Variants in PLXNA3 observed in about 807,000 individuals in gnomAD.
PLXNA3 encodes plexin A3.
A neutral mutation model predicts 118.8 loss-of-function variants in PLXNA3; 52 were observed. That is an observed-to-expected ratio of 0.44 (90% CI 0.35 to 0.55). The LOEUF (loss-of-function observed/expected upper bound fraction) is 0.55. Among genes scored for constraint, PLXNA3 ranks in the 20% least tolerant of loss-of-function variants. The pLI is 0.01. For missense variants in PLXNA3, 1,660 were observed against 1,730.8 expected (o/e 0.96, Z 0.73); for synonymous variants, 925 against 762.4 (o/e 1.21, Z -3.51).
At position 154,475,697 on chromosome X, in the gene PLXNA3, C is replaced by G. The variant is rs1021708657; in HGVS notation, c.*3012C>G. 5 of 112,350 alleles carry G rather than the reference C, an allele frequency of 4.5e-5. No individual in the cohort carries two copies. The highest frequency in any genetic ancestry group is 1.6e-4 in the African/African-American group (5 of 30,892). 9.3% of individuals were successfully genotyped at this position (112,350 alleles called of 1,213,427 possible). A position where few individuals can be genotyped will look rare whatever the true frequency, so the allele number is the denominator to read the frequency against. ...GCGGGATGACAGCTGTGCCGTCGGC[C>G]CAGACAGAACCATCTGGACAGAGGA... On this transcript the variant is annotated 3_prime_UTR_variant, in exon 33 of 33. Coordinates refer to ENST00000369682, the MANE Select transcript of PLXNA3 (RefSeq NM_017514.5).
chrX:154,472,462 G>T (rs2069196204), intron 32 of PLXNA3, 128 bp from the exon 33 acceptor site: 3 of 497,430 alleles, frequency 6.0e-6, no homozygotes, highest in African/African-American at 2.4e-5. Flanking sequence ...GGTTTGTACA[G>T]GGGCTGCGGG....
chrX:154,463,878 G>C (rs1210344963), intron 6 of PLXNA3, 73 bp from the exon 7 acceptor site: 1 of 1,135,289 alleles, frequency 8.8e-7, no homozygotes, highest in Non-Finnish European at 1.2e-6. Context: ...GCTGTTGCCT[G>C]GCACTGTGAG....
chrX:154,475,826 A>G lies in PLXNA3; in HGVS notation c.*3141A>G, dbSNP rs959842848. ...TAACCTCAGGGGAAATCCCTCAGAA[A>G]TGGATGGAATCTACCAGAAGCATCA... On this transcript the variant is annotated 3_prime_UTR_variant, in exon 33 of 33. Transcript: ENST00000369682. 1 of 112,146 alleles carries G rather than the reference A, an allele frequency of 8.9e-6. No individual in the cohort carries two copies. Among genetic ancestry groups the G allele is most frequent in the African/African-American group, 3.2e-5 (1 of 30,839 alleles). The allele number at this position is 112,146 out of a possible 1,213,427, so 9.2% of individuals were successfully genotyped here. A position where few individuals can be genotyped will look rare whatever the true frequency, so the allele number is the denominator to read the frequency against.
chrX:154,471,040 A>T, intron 30 of PLXNA3, 65 bp from the exon 31 acceptor site: 1 of 937,279 alleles, frequency 1.1e-6, no homozygotes, highest in Non-Finnish European at 1.5e-6. Flanking sequence ...AGAGATGTGC[A>T]CATGGGAGGG....
Position 154,472,608 on chromosome X carries a change from C to T in PLXNA3, c.5539C>T (p.Arg1847Ter), listed in dbSNP as rs782457005. 8.3e-7 allele frequency: 1 copy of T among 1,207,156 alleles called. No individual in the cohort carries two copies. Among genetic ancestry groups the T allele is most frequent in the Non-Finnish European group, 1.1e-6 (1 of 891,414 alleles). The change falls in exon 33 of 33, where the codon CGA becomes TGA. Residue 1847 changes from arginine to a stop codon, truncating the protein, a stop_gained. Transcript: ENST00000369682. LOFTEE classifies it high-confidence loss of function. The stretch of plus-strand genomic sequence containing the variant: ...CCCCCAGATTCTCACGGCTCTGGAC[C>T]GAGATGCCTCTTGTCGGAAGCATAA... Reference protein sequence around the residue: ...YRQEILTALDRDASCRKHKLR... With the variant: ...YRQEILTALD
intron 7 of PLXNA3, 31 bp downstream of exon 7, chrX:154,464,105 T>C: frequency 3.3e-6 from 4 of 1,209,892 alleles, no homozygotes; most frequent in Non-Finnish European, 4.5e-6. Flanking sequence ...CGGCTGGGTG[T>C]GCACATGTGT....
Position 154,470,524 on chromosome X carries a change from T to C in PLXNA3, c.5069T>C (p.Ile1690Thr). Reference protein sequence around the residue: ...AHRGSALPLAIKYMFDFLDEQ... With the variant: ...AHRGSALPLATKYMFDFLDEQ... ...CGGGGCTCGGCCCTGCCCCTGGCCA[T>C]CAAGTACATGTTCGACTTCCTGGAT... The change falls in exon 30 of 33, where the codon ATC (isoleucine) becomes ACC (threonine). Residue 1690 changes from isoleucine to threonine, a missense_variant. Ile to Thr is a moderately conservative substitution (Grantham distance 89). Coordinates refer to ENST00000369682, the MANE Select transcript of PLXNA3 (RefSeq NM_017514.5). 8.3e-7 allele frequency: 1 copy of C among 1,211,267 alleles called. No homozygotes were observed. Among genetic ancestry groups the C allele is most frequent in the Non-Finnish European group, 1.1e-6 (1 of 894,982 alleles).
chrX:154,462,083 GCCT>G, intron 3 of PLXNA3, 42 bp from the exon 4 acceptor site: 2 of 1,090,878 alleles, frequency 1.8e-6, no homozygotes, highest in Non-Finnish European at 1.2e-6. Context: ...TCCATCTTGC[GCCT>G]GGGAGCTTTG....
In PLXNA3 at chrX:154,460,922, C is replaced by A. The variant is rs186997050; in HGVS notation, c.594+145C>A. 2.1e-5 allele frequency: 13 copies of A among 619,457 alleles called. No individual in the cohort carries two copies. The East Asian group carries it at 4.6e-4, about 22-fold the overall frequency. The allele number at this position is 619,457 out of a possible 1,213,427, so 51.1% of individuals were successfully genotyped here. ...CGGAGGGTGGGATGACAGCCTGAAC[C>A]CAGGTTGCGGGGGTCCCCTGTGTGC... On this transcript the variant is annotated intron_variant, in intron 2 of 32. Transcript: ENST00000369682.
chrX:154,460,225 G>A lies in PLXNA3; in HGVS notation c.42G>A (p.Val14=), dbSNP rs375310385. 1.2e-5 allele frequency: 14 copies of A among 1,194,668 alleles called. 1 individual carries two copies. Among genetic ancestry groups the A allele is most frequent in the African/African-American group, 1.0e-4 (6 of 57,312 alleles). The change falls in exon 2 of 33, where the codon GTG becomes GTA. Residue 14 remains valine, a synonymous_variant. Transcript: ENST00000369682. ...VCLLLLLFLA[V]GGALGNRPFR... is the part of the protein sequence containing the mutation. ...TCCTCCTGCTGCTCTTCCTTGCCGT[G>A]GGGGGGGCCCTGGGCAACAGGCCCT...
chrX:154,472,365 C>G (rs2069194641), intron 32 of PLXNA3, among the ~76,000 whole-genome samples: 1 of 109,551 alleles, frequency 9.1e-6, no homozygotes. Flanking sequence ...CCAGGTCACT[C>G]TAGGGACAGG....
Position 154,463,486 on chromosome X carries a change from C to T in PLXNA3, c.1413C>T (p.Asp471=). The T allele has an allele frequency of 8.3e-7, 1 of 1,208,129 alleles. No individual in the cohort carries two copies. Among genetic ancestry groups the T allele is most frequent in the African/African-American group, 1.8e-5 (1 of 56,704 alleles). The change falls in exon 5 of 33, where the codon GAC becomes GAT. Residue 471 remains aspartate (D), a synonymous_variant. Coordinates refer to ENST00000369682, the MANE Select transcript of PLXNA3 (RefSeq NM_017514.5). The part of the protein sequence containing the change: ...PILRDLLFSP[D]HRHIYLLSEK... ...TCCGAGACCTGCTCTTCAGCCCGGACCACCGGCACATCTATCTCCTGAGTG... is the reference window on the plus strand; with the variant it reads ...TCCGAGACCTGCTCTTCAGCCCGGATCACCGGCACATCTATCTCCTGAGTG...
chrX:154,458,869 C>G (rs782321361), intron 1 of PLXNA3, among the ~76,000 whole-genome samples: 3 of 111,842 alleles, frequency 2.7e-5, no homozygotes, highest in Non-Finnish European at 5.7e-5. Flanking sequence ...GGGGCTGGGC[C>G]TGAAACTGCC....
At chrX:154,458,579 G>A (rs1045141744) in intron 1 of PLXNA3, among the ~76,000 whole-genome samples, 151 bp downstream of exon 1, 13 of 112,775 alleles carry the variant, frequency 1.2e-4, no homozygotes, top group Non-Finnish European at 2.1e-4. Context: ...GCCCCGCATG[G>A]TGGGGACGCC....
At position 154,469,110 on chromosome X, in the gene PLXNA3, G is replaced by T; in HGVS notation, c.4489G>T (p.Val1497Phe). The T allele has an allele frequency of 8.3e-7, 1 of 1,211,071 alleles. No individual in the cohort carries two copies. Among genetic ancestry groups the T allele is most frequent in the Non-Finnish European group, 1.1e-6 (1 of 895,211 alleles). Residue 1497 changes from valine (V) to phenylalanine (F), a missense_variant, in exon 26 of 33, where the codon GTT becomes TTT. Val to Phe is a conservative substitution (Grantham distance 50). Transcript: ENST00000369682. ...GGGCAGCGCCCAGGTCCCAGTGAAGGTTCTCAACTGTGACAGCATCACCCA... is the reference window on the plus strand; with the variant it reads ...GGGCAGCGCCCAGGTCCCAGTGAAGTTTCTCAACTGTGACAGCATCACCCA... The part of the protein sequence containing the change: ...NEGSAQVPVK[V>F]LNCDSITQAK...
intron 11 of PLXNA3, 86 bp from the exon 12 acceptor site, chrX:154,465,338 A>C (rs1603392113): frequency 1.9e-6 from 2 of 1,035,684 alleles, no homozygotes; most frequent in Middle Eastern, 2.8e-4. Flanking sequence ...GGATTCCTGT[A>C]CCTGGAGGAG....
Position 154,462,290 on chromosome X carries a change from CGCAGCG to C in PLXNA3, c.1303_1308del (p.Gly435_Ser436del). The C allele has an allele frequency of 8.6e-7, 1 of 1,159,619 alleles. No individual in the cohort carries two copies. Among genetic ancestry groups the C allele is most frequent in the Non-Finnish European group, 1.2e-6 (1 of 868,497 alleles). On this transcript the variant is annotated inframe_deletion, in exon 4 of 33. Transcript: ENST00000369682. ...GCACTCTGTGGTCTTCATTGGCACG[CGCAGCG>C]GCAGCTTGAAGAAGGTGGCCCCCAG...
Position 154,477,688 on chromosome X carries a change from C to A in PLXNA3, c.*5003C>A, listed in dbSNP as rs377333046. ...CAATTTCCTTGTACTCCTTGAATAT[C>A]TGAATTCTAGAACCCCCCCCCCAGC... On this transcript the variant is annotated 3_prime_UTR_variant, in exon 33 of 33. Coordinates refer to ENST00000369682, the MANE Select transcript of PLXNA3 (RefSeq NM_017514.5). The A allele has an allele frequency of 3.2e-4, 88 of 272,387 alleles. No individual in the cohort carries two copies. Among genetic ancestry groups the A allele is most frequent in the African/African-American group, 2.5e-3 (79 of 32,201 alleles). 22.4% of individuals were successfully genotyped at this position (272,387 alleles called of 1,213,427 possible). A position where few individuals can be genotyped will look rare whatever the true frequency, so the allele number is the denominator to read the frequency against.
Position 154,466,986 on chromosome X carries a change from G to T in PLXNA3, c.3108-71G>T. On this transcript the variant is annotated intron_variant, in intron 17 of 32. Transcript: ENST00000369682. ...AGGGAAGGCCTGGGCTGCCATGGCA[G>T]CCTTGATCGCTCTCCAGGGCTGGGT... 4 of 1,012,517 alleles carry T rather than the reference G, an allele frequency of 4.0e-6. No individual in the cohort carries two copies. The South Asian group carries it at 6.0e-5, about 15-fold the overall frequency. The allele number at this position is 1,012,517 out of a possible 1,213,427, so 83.4% of individuals were successfully genotyped here.
Sources: gnomAD v4.1 joint callset for allele counts (sites outside exome capture counted in the v4.1 genomes callset) on GRCh38, gnomAD v4.1.1 for gene constraint, MANE v1.5 for transcripts, NCBI Gene and HGNC (gene_info 2026-07-23, HGNC 2026-07-21) for gene names.